The following VSIG1 variants were observed in gnomAD, a reference collection of about 807,000 sequenced individuals.
The protein encoded by VSIG1 is V-set and immunoglobulin domain containing 1.
VSIG1 carries 11 observed loss-of-function variants against 20.1 expected under a neutral mutation model. The observed-to-expected ratio is 0.55, with a 90% CI of 0.34 to 0.91. The LOEUF (loss-of-function observed/expected upper bound fraction) is 0.91. Ranked by LOEUF, VSIG1 falls within the 40% of genes least tolerant of loss-of-function variation. VSIG1 has a pLI of 0.02. For synonymous variants in VSIG1, 126 were observed against 116.7 expected (o/e 1.08, Z -0.52); for missense variants, 283 against 298.8 (o/e 0.95, Z 0.39).
chrX:108,058,055 C>T lies in VSIG1; in HGVS notation c.67C>T (p.Gln23Ter). Residue 23 changes from glutamine (Q) to a stop codon, truncating the protein, a stop_gained, in exon 2 of 7, where the codon CAA (glutamine) becomes TAA (stop). Transcript: ENST00000217957. LOFTEE classifies it high-confidence loss of function. ...CTTTTCAGGTCAGGTTAGTGTGGTG[C>T]AAGTGACCATCCCAGACGGTTTCGT... ...SCLAGQVSVV[Q>*]VTIPDGFVNV... 8.3e-7 allele frequency: 1 copy of T among 1,208,733 alleles called. No individual in the cohort carries two copies. Among genetic ancestry groups the T allele is most frequent in the Non-Finnish European group, 1.1e-6 (1 of 894,112 alleles).
upstream of VSIG1, among the ~76,000 whole-genome samples, chrX:108,044,374 T>C (rs2030527545): frequency 1.8e-5 from 2 of 111,848 alleles, no homozygotes; most frequent in African/African-American, 6.5e-5. Flanking sequence ...ATTTACTGAG[T>C]ATCTTAATTC....
chrX:108,076,669 TCTC>T (rs1295004550), intron 6 of VSIG1, among the ~76,000 whole-genome samples: 3 of 111,576 alleles, frequency 2.7e-5, no homozygotes, highest in African/African-American at 9.8e-5. Context: ...TTTTTTTTCA[TCTC>T]CTTGCTTCTA....
rs1421356527 is a variant in VSIG1 at position 108,079,167 on chromosome X, C to T, written c.*1786C>T. On this transcript the variant is annotated 3_prime_UTR_variant, in exon 7 of 7. Transcript: ENST00000217957. Reference sequence around the variant, plus strand: ...TGACATAGCATTTATGTATAATAAACCAGACATTTAAAGTGTACAATTTGA... The same window carrying T: ...TGACATAGCATTTATGTATAATAAATCAGACATTTAAAGTGTACAATTTGA... 1 of 112,211 alleles carries T rather than the reference C, an allele frequency of 8.9e-6. No individual in the cohort carries two copies. Among genetic ancestry groups the T allele is most frequent in the Non-Finnish European group, 1.9e-5 (1 of 53,279 alleles). The allele number at this position is 112,211 out of a possible 1,213,427, so 9.2% of individuals were successfully genotyped here.
At chrX:108,045,229 CT>C in intron 1 of VSIG1, 50 bp downstream of exon 1, 1 of 1,062,304 alleles carries the variant, frequency 9.4e-7, no homozygotes, top group South Asian at 2.3e-5. Context: ...ACAGAGTTTC[CT>C]TTTAAATAAA....
At chrX:108,026,472 T>A in the VSIG1 span, among the ~76,000 whole-genome samples, 1 of 111,353 alleles carries the variant, frequency 9.0e-6, no homozygotes, top group Non-Finnish European at 1.9e-5. Context: ...TATGTGCTCA[T>A]GCTGCTTATT....
rs182233471 is a variant in VSIG1 at position 108,078,504 on chromosome X, C to A, written c.*1123C>A. The stretch of plus-strand genomic sequence containing the variant: ...ACTTGGGAGGCTGAGGCAGGAGAAT[C>A]GCTTGAACCCAGGAGGTGGAGGTTG... On this transcript the variant is annotated 3_prime_UTR_variant, in exon 7 of 7. Transcript: ENST00000217957. 2.7e-5 allele frequency: 3 copies of A among 111,741 alleles called. No homozygotes were observed. Among genetic ancestry groups the A allele is most frequent in the Non-Finnish European group, 5.6e-5 (3 of 53,118 alleles). The allele number at this position is 111,741 out of a possible 1,213,427, so 9.2% of individuals were successfully genotyped here.
At chrX:108,022,746 C>A in the VSIG1 span, among the ~76,000 whole-genome samples, 1 of 111,774 alleles carries the variant, frequency 8.9e-6, no homozygotes, top group East Asian at 2.8e-4. Flanking sequence ...AATTTGATTT[C>A]CAAATTGGAG....
intron 2 of VSIG1, among the ~76,000 whole-genome samples, chrX:108,060,908 T>C (rs1221556478): frequency 8.9e-6 from 1 of 112,210 alleles, no homozygotes. Context: ...TCCATACCCC[T>C]GGTGATCTAG....
intron 1 of VSIG1, among the ~76,000 whole-genome samples, chrX:108,047,971 T>TACACAC (rs1569287489): frequency 3.5e-5 from 2 of 57,748 alleles, no homozygotes; most frequent in Non-Finnish European, 6.1e-5. Flanking sequence ...CATATATATA[T>TACACAC]ATATATATAT....
chrX:108,025,957 G>A, the VSIG1 span, among the ~76,000 whole-genome samples: 1 of 110,270 alleles, frequency 9.1e-6, no homozygotes, highest in Admixed American at 9.5e-5. Context: ...TCAAGGCTGT[G>A]GTTCCTGTCT....
intron 1 of VSIG1, among the ~76,000 whole-genome samples, chrX:108,052,217 G>A (rs113329664): frequency 1.8e-5 from 2 of 111,052 alleles, no homozygotes; most frequent in African/African-American, 6.5e-5. Context: ...ACTTATCCAC[G>A]TAACCAAACA....
At chrX:108,021,984 T>C in the VSIG1 span, among the ~76,000 whole-genome samples, 4 of 112,092 alleles carry the variant, frequency 3.6e-5, no homozygotes, top group East Asian at 1.1e-3. Context: ...AATTGGGAAA[T>C]GTTAATCTTC....
At chrX:108,062,519 G>A (rs1302860590) in intron 2 of VSIG1, among the ~76,000 whole-genome samples, 1 of 112,002 alleles carries the variant, frequency 8.9e-6, no homozygotes, top group Non-Finnish European at 1.9e-5. Flanking sequence ...AGGTGTTAGG[G>A]ACTAGCGAAA....
the VSIG1 span, among the ~76,000 whole-genome samples, chrX:108,021,604 T>C: frequency 1.8e-5 from 2 of 112,644 alleles, no homozygotes; most frequent in Admixed American, 9.4e-5. Context: ...ATACTTTTGG[T>C]GTCATATTTA....
chrX:108,019,938 A>G, the VSIG1 span, among the ~76,000 whole-genome samples: 2 of 111,539 alleles, frequency 1.8e-5, no homozygotes, highest in African/African-American at 6.5e-5. Flanking sequence ...CTTTCCCCAC[A>G]CAGGAGAGTC....
chrX:108,062,637 G>C (rs978464977), intron 2 of VSIG1, among the ~76,000 whole-genome samples: 8 of 112,175 alleles, frequency 7.1e-5, no homozygotes, highest in Admixed American at 3.8e-4. Context: ...GGGTTGGTAA[G>C]AGAGTTGGTT....
At chrX:108,050,372 C>T (rs1602566690) in intron 1 of VSIG1, among the ~76,000 whole-genome samples, 4 of 111,994 alleles carry the variant, frequency 3.6e-5, no homozygotes, top group African/African-American at 1.3e-4. Flanking sequence ...AACCCTCCAA[C>T]ACCCTCTGTT....
chrX:108,049,401 T>C (rs765390348), intron 1 of VSIG1, among the ~76,000 whole-genome samples: 5 of 112,394 alleles, frequency 4.4e-5, no homozygotes, highest in African/African-American at 6.5e-5. Flanking sequence ...GTCATGTTCA[T>C]TCTTGTTTCC....
intron 3 of VSIG1, 145 bp from the exon 4 acceptor site, chrX:108,072,532 C>A: frequency 1.8e-6 from 1 of 560,422 alleles, no homozygotes; most frequent in Non-Finnish European, 2.8e-6. Flanking sequence ...GGATTACAGG[C>A]ATGAGCCACT....
Sources: gnomAD v4.1 joint callset for allele counts (sites outside exome capture counted in the v4.1 genomes callset) on GRCh38, gnomAD v4.1.1 for gene constraint, MANE v1.5 for transcripts, NCBI Gene and HGNC (gene_info 2026-07-23, HGNC 2026-07-21) for gene names.